CDH12: variants seen among roughly 807,000 people sequenced by gnomAD.
The protein encoded by CDH12 is cadherin 12.
CDH12 carries 41 observed loss-of-function variants against 74.1 expected under a neutral mutation model. The ratio of observed to expected loss-of-function variants is 0.55; its 90% CI spans 0.43 to 0.72. The LOEUF (loss-of-function observed/expected upper bound fraction) is 0.72. Ranked by LOEUF, CDH12 falls within the 30% of genes least tolerant of loss-of-function variation. CDH12 has a pLI of 0.00. For synonymous variants in CDH12, 399 were observed against 355.0 expected, an observed-to-expected ratio of 1.12 and a Z score of -1.39; for missense variants, 945 against 977.2, an observed-to-expected ratio of 0.97 and a Z score of 0.44.
chr5:22,368,466 A>ATT lies in CDH12; in HGVS notation c.-333+36789_-333+36790dup, dbSNP rs11445293. 8.4e-3 allele frequency among the ~76,000 whole-genome samples: 1,140 copies of ATT among 135,276 alleles called. 6 individuals carry two copies. The highest frequency in any genetic ancestry group is 0.016 in the South Asian group (66 of 4,152). 88.7% of individuals were successfully genotyped at this position (135,276 alleles called of 152,430 possible). On this transcript the variant is annotated intron_variant, in intron 3 of 14. Coordinates refer to ENST00000382254, the MANE Select transcript of CDH12 (RefSeq NM_004061.5). ...AGGAGTCTACCACCAAGTCTGGCTAATTTTTTTTTTTTTTTTTTGCAGAGA... is the reference window on the plus strand; with the variant it reads ...AGGAGTCTACCACCAAGTCTGGCTAATTTTTTTTTTTTTTTTTTTTGCAGAGA...
chr5:22,496,907 C>T (rs2084806872), intron 2 of CDH12, among the ~76,000 whole-genome samples: 1 of 152,136 alleles, frequency 6.6e-6, no homozygotes, highest in Non-Finnish European at 1.5e-5. Context: ...GAACTTGTTG[C>T]ATTAGTAATC....
At chr5:22,709,271 A>G (rs1743177808) in intron 1 of CDH12, among the ~76,000 whole-genome samples, 1 of 152,182 alleles carries the variant, frequency 6.6e-6, no homozygotes, top group African/African-American at 2.4e-5. Context: ...AAATATTTCC[A>G]TTGAAAAGCT....
chr5:22,213,148 G>C (rs1751638331), intron 3 of CDH12, among the ~76,000 whole-genome samples: 1 of 152,146 alleles, frequency 6.6e-6, no homozygotes, highest in African/African-American at 2.4e-5. Flanking sequence ...ACTTGTCTCT[G>C]CCGCTCGCCT....
chr5:21,818,696 C>T (rs758182458), intron 8 of CDH12, among the ~76,000 whole-genome samples: 2 of 151,942 alleles, frequency 1.3e-5, no homozygotes, highest in Non-Finnish European at 2.9e-5. Context: ...TGATACTTTA[C>T]AGTGGTCCAC....
intron 10 of CDH12, among the ~76,000 whole-genome samples, chr5:21,800,576 G>A (rs978141994): frequency 1.3e-5 from 2 of 152,116 alleles, no homozygotes; most frequent in Non-Finnish European, 2.9e-5. Flanking sequence ...AAAGAAAGCC[G>A]GTCTTCACCA....
At chr5:22,262,255 C>T (rs1753546078) in intron 3 of CDH12, among the ~76,000 whole-genome samples, 2 of 143,934 alleles carry the variant, frequency 1.4e-5, no homozygotes, top group South Asian at 2.4e-4. Flanking sequence ...TCTCCCAATG[C>T]TATCCCTCCC....
intron 3 of CDH12, among the ~76,000 whole-genome samples, chr5:22,387,889 G>A (rs974506898): frequency 3.3e-5 from 5 of 152,066 alleles, no homozygotes; most frequent in Non-Finnish European, 7.4e-5. Flanking sequence ...TAAGCAGACT[G>A]TATCATGCTA....
At chr5:22,047,631 C>G (rs1357089906) in intron 5 of CDH12, among the ~76,000 whole-genome samples, 1 of 152,042 alleles carries the variant, frequency 6.6e-6, no homozygotes, top group Non-Finnish European at 1.5e-5. Flanking sequence ...ATTCCTAACA[C>G]ATGAAGGTGC....
chr5:21,948,176 G>T (rs1755664698), intron 6 of CDH12, among the ~76,000 whole-genome samples: 1 of 152,214 alleles, frequency 6.6e-6, no homozygotes, highest in African/African-American at 2.4e-5. Flanking sequence ...CCCACACAGA[G>T]TCCCCACTGG....
At chr5:22,592,678 C>A (rs542033966) in intron 1 of CDH12, among the ~76,000 whole-genome samples, 2 of 147,644 alleles carry the variant, frequency 1.4e-5, no homozygotes, top group South Asian at 2.2e-4. Context: ...TCTCCCCCTC[C>A]ACCCCCCACC....
intron 3 of CDH12, among the ~76,000 whole-genome samples, chr5:22,357,210 C>T (rs1740601057): frequency 6.6e-6 from 1 of 152,122 alleles, no homozygotes; most frequent in Non-Finnish European, 1.5e-5. Context: ...AATTACAGAA[C>T]TGTCCAGGTT....
At chr5:21,853,863 G>T (rs4441846) in intron 7 of CDH12, among the ~76,000 whole-genome samples, 20,192 of 151,508 alleles carry the variant, frequency 0.13, 1,484 homozygotes, top group African/African-American at 0.2. Flanking sequence ...AATTCAATTT[G>T]CAATATGTTC....
intron 1 of CDH12, among the ~76,000 whole-genome samples, chr5:22,835,578 T>C (rs1736784271): frequency 6.6e-6 from 1 of 152,224 alleles, no homozygotes; most frequent in Admixed American, 6.5e-5. Flanking sequence ...TCATTAGTCA[T>C]GATTATCTCT....
At chr5:21,847,325 C>T (rs1750227946) in intron 7 of CDH12, among the ~76,000 whole-genome samples, 1 of 152,058 alleles carries the variant, frequency 6.6e-6, no homozygotes, top group African/African-American at 2.4e-5. Context: ...GCCATTCTAT[C>T]CAAAATTTCT....
chr5:22,033,901 G>A (rs1263934846), intron 5 of CDH12, among the ~76,000 whole-genome samples: 1 of 152,088 alleles, frequency 6.6e-6, no homozygotes, highest in Admixed American at 6.6e-5. Context: ...CATGTGTAAT[G>A]CTTTGGTTAA....
rs1046483609 is a variant in CDH12, at chr5:22,116,473, C to T, written c.-186-37611G>A. On this transcript the variant is annotated intron_variant, in intron 4 of 14. Transcript: ENST00000382254. ...ACAAAAAATTAGCCAGGCGTGGTGG[C>T]GCGTGCCTGTAGTCCTAGCTACTCA... is the stretch of plus-strand genomic sequence containing the variant. 2.0e-5 allele frequency among the ~76,000 whole-genome samples: 3 copies of T among 152,100 alleles called. No individual in the cohort carries two copies. In the East Asian group the frequency reaches 5.8e-4, roughly 29 times the overall value.
intron 11 of CDH12, among the ~76,000 whole-genome samples, chr5:21,770,554 G>T (rs1745265746): frequency 6.6e-6 from 1 of 151,284 alleles, no homozygotes; most frequent in Admixed American, 6.6e-5. Flanking sequence ...AGAGGTGGAG[G>T]TAACAGTGAG....
intron 11 of CDH12, among the ~76,000 whole-genome samples, chr5:21,774,038 G>C (rs1295473876): frequency 2.0e-5 from 3 of 152,098 alleles, no homozygotes; most frequent in African/African-American, 7.2e-5. Flanking sequence ...ACAAAGGGTA[G>C]ACTTGTGATG....
chr5:22,381,217 T>G (rs913843243), intron 3 of CDH12, among the ~76,000 whole-genome samples: 1 of 151,958 alleles, frequency 6.6e-6, no homozygotes, highest in Non-Finnish European at 1.5e-5. Context: ...ACTTATTGAC[T>G]CTCCTCCCTC....
Sources: gnomAD v4.1 joint callset for allele counts (sites outside exome capture counted in the v4.1 genomes callset) on GRCh38, gnomAD v4.1.1 for gene constraint, MANE v1.5 for transcripts, NCBI Gene and HGNC (gene_info 2026-07-23, HGNC 2026-07-21) for gene names.